Variants in PPARGC1A observed in about 807,000 individuals in gnomAD.
PPARGC1A encodes the protein peroxisome proliferator-activated receptor gamma coactivator 1-alpha.
Under a neutral mutation model 88.7 loss-of-function variants are expected in PPARGC1A, and 25 were observed. The ratio of observed to expected loss-of-function variants is 0.28; its 90% CI spans 0.21 to 0.39. The LOEUF is 0.39. PPARGC1A is among the 10% of genes least tolerant of loss of function. PPARGC1A has a pLI of 1.00. For missense variants in PPARGC1A, 880 were observed against 968.7 expected, an observed-to-expected ratio of 0.91 and a Z score of 1.22; for synonymous variants, 363 against 355.6, an observed-to-expected ratio of 1.02 and a Z score of -0.24.
chr4:24,135,146 T>C, the PPARGC1A span, among the ~76,000 whole-genome samples: 1 of 152,136 alleles, frequency 6.6e-6, no homozygotes, highest in African/African-American at 2.4e-5. Flanking sequence ...TAGACTCTAA[T>C]TGACTCTATT....
intron 12 of PPARGC1A, among the ~76,000 whole-genome samples, chr4:23,799,241 C>T (rs1321429389): frequency 6.6e-6 from 1 of 152,068 alleles, no homozygotes; most frequent in Non-Finnish European, 1.5e-5. Flanking sequence ...GTTTTGAGTT[C>T]CAAAGCTGAT....
intron 7 of PPARGC1A, among the ~76,000 whole-genome samples, chr4:23,816,833 G>A (rs1393151053): frequency 6.6e-6 from 1 of 152,158 alleles, no homozygotes; most frequent in African/African-American, 2.4e-5. Flanking sequence ...TTTCGAATGT[G>A]AATTATGTCT....
the PPARGC1A span, among the ~76,000 whole-genome samples, chr4:24,077,588 C>T: frequency 6.9e-6 from 1 of 145,816 alleles, no homozygotes; most frequent in South Asian, 2.2e-4. Context: ...TTTCTTTAGC[C>T]CAAATGTTCT....
At chr4:23,839,720 T>C (rs1406907572) in intron 2 of PPARGC1A, among the ~76,000 whole-genome samples, 4 of 152,112 alleles carry the variant, frequency 2.6e-5, no homozygotes, top group Non-Finnish European at 5.9e-5. Flanking sequence ...GACTCACAGT[T>C]CCACGTGGGT....
chr4:24,345,912 G>A, the PPARGC1A span, among the ~76,000 whole-genome samples: 1 of 152,202 alleles, frequency 6.6e-6, no homozygotes, highest in East Asian at 1.9e-4. Context: ...CGGTGGCTGT[G>A]GATCTGTCAT....
At chr4:24,418,787 C>A in the PPARGC1A span, among the ~76,000 whole-genome samples, 1 of 152,200 alleles carries the variant, frequency 6.6e-6, no homozygotes, top group Non-Finnish European at 1.5e-5. Context: ...TACCAACATA[C>A]CCTCCACACA....
upstream of PPARGC1A, among the ~76,000 whole-genome samples, chr4:23,903,061 CTAAT>C (rs1166731984): frequency 3.9e-5 from 6 of 152,040 alleles, no homozygotes; most frequent in Non-Finnish European, 8.8e-5. Context: ...TTACAGAAAA[CTAAT>C]TAATATCAAT....
At chr4:24,262,139 C>G in the PPARGC1A span, among the ~76,000 whole-genome samples, 3 of 151,786 alleles carry the variant, frequency 2.0e-5, no homozygotes, top group Non-Finnish European at 4.4e-5. Flanking sequence ...CCCCATAACT[C>G]CCTTCCCACC....
At chr4:24,218,274 G>A in the PPARGC1A span, among the ~76,000 whole-genome samples, 1 of 152,278 alleles carries the variant, frequency 6.6e-6, no homozygotes, top group Non-Finnish European at 1.5e-5. Context: ...GAGAATTAAG[G>A]AGCACCAGAT....
At chr4:24,425,919 GC>G in the PPARGC1A span, among the ~76,000 whole-genome samples, 77 of 152,204 alleles carry the variant, frequency 5.1e-4, no homozygotes, top group African/African-American at 1.5e-3. Context: ...GAAATAACAA[GC>G]TTTTACACAC....
the PPARGC1A span, among the ~76,000 whole-genome samples, chr4:24,290,586 G>C: frequency 6.6e-6 from 1 of 152,170 alleles, no homozygotes; most frequent in Non-Finnish European, 1.5e-5. Context: ...CAATGTGACT[G>C]ACCATCATGA....
chr4:24,216,484 C>T, the PPARGC1A span, among the ~76,000 whole-genome samples: 10 of 152,098 alleles, frequency 6.6e-5, no homozygotes, highest in South Asian at 2.1e-4. Context: ...TGGTGTATTC[C>T]GGAGCTGACG....
the PPARGC1A span, among the ~76,000 whole-genome samples, chr4:24,283,186 C>G: frequency 2.6e-5 from 4 of 152,180 alleles, no homozygotes; most frequent in Non-Finnish European, 4.4e-5. Context: ...AGATCATGAT[C>G]TAACAACAGA....
chr4:23,975,914 A>C, the PPARGC1A span, among the ~76,000 whole-genome samples: 2 of 152,258 alleles, frequency 1.3e-5, no homozygotes, highest in Non-Finnish European at 2.9e-5. Context: ...TGCAGTACAC[A>C]AATAACCATA....
the PPARGC1A span, among the ~76,000 whole-genome samples, chr4:23,953,611 G>A: frequency 3.9e-5 from 6 of 152,004 alleles, no homozygotes; most frequent in Non-Finnish European, 7.4e-5. Flanking sequence ...GTCTCATTGC[G>A]CTGAACATTC....
chr4:24,462,231 G>A, the PPARGC1A span, among the ~76,000 whole-genome samples: 1 of 149,676 alleles, frequency 6.7e-6, no homozygotes, highest in Non-Finnish European at 1.5e-5. Flanking sequence ...GATTACAGGT[G>A]CACACCACCG....
upstream of PPARGC1A, among the ~76,000 whole-genome samples, chr4:23,892,700 G>A (rs575651564): frequency 6.6e-5 from 10 of 151,684 alleles, no homozygotes; most frequent in Non-Finnish European, 8.8e-5. Context: ...TCACCCCTTC[G>A]TCAACTCTGT....
chr4:23,890,071 C>T, upstream of PPARGC1A: 3 of 1,517,226 alleles, frequency 2.0e-6, no homozygotes, highest in Non-Finnish European at 2.6e-6. Context: ...AGGCACCTGT[C>T]TTACTACAGT....
the PPARGC1A span, among the ~76,000 whole-genome samples, chr4:24,472,660 G>A: frequency 2.0e-4 from 30 of 151,932 alleles, no homozygotes; most frequent in Admixed American, 9.8e-4. This position sits in a 1 kb window ranked among gnomAD's most constrained non-coding sequence, Gnocchi z 4.5. Context: ...GGGATGCTCG[G>A]GCTGCCGCCG....
Sources: allele counts gnomAD v4.1 joint callset (sites outside exome capture counted in the v4.1 genomes callset), GRCh38; gene constraint gnomAD v4.1.1; non-coding constraint Gnocchi (gnomAD v3.1); transcripts MANE v1.5; gene names NCBI Gene and HGNC (gene_info 2026-07-23, HGNC 2026-07-21).